ATRNL1: variants seen among roughly 807,000 people sequenced by gnomAD.
ATRNL1 encodes the protein attractin-like protein 1.
In ATRNL1, 95 loss-of-function variants were observed where a neutral mutation model predicts 182.7. That is an observed-to-expected ratio of 0.52 (90% CI 0.44 to 0.62). ATRNL1 has a LOEUF of 0.62. ATRNL1 is among the 20% of genes least tolerant of loss of function. The probability of loss-of-function intolerance (pLI) is 0.00; values close to 1 mark genes in which losing one functional copy is unlikely to be tolerated. For synonymous variants in ATRNL1, 576 were observed against 568.3 expected (o/e 1.01, Z -0.19); for missense variants, 1,471 against 1,679.5 (o/e 0.88, Z 2.17).
chr10:115,342,549 A>G (rs1478678806), intron 19 of ATRNL1, among the ~76,000 whole-genome samples: 1 of 152,066 alleles, frequency 6.6e-6, no homozygotes, highest in Non-Finnish European at 1.5e-5. Flanking sequence ...TTTACTGTCA[A>G]CATCTTGAAA....
At chr10:115,819,133 C>T (rs1159591244) in intron 27 of ATRNL1, among the ~76,000 whole-genome samples, 2 of 152,008 alleles carry the variant, frequency 1.3e-5, no homozygotes, top group African/African-American at 4.8e-5. Context: ...ATAATTTCAG[C>T]TCCTCTTCAG....
At chr10:115,805,985 T>C (rs1193253272) in intron 27 of ATRNL1, among the ~76,000 whole-genome samples, 1 of 152,182 alleles carries the variant, frequency 6.6e-6, no homozygotes, top group Non-Finnish European at 1.5e-5. Flanking sequence ...GTACAGTATT[T>C]TAAAGTTTAC....
chr10:115,917,872 G>T (rs1196077612), intron 28 of ATRNL1, among the ~76,000 whole-genome samples: 1 of 152,108 alleles, frequency 6.6e-6, no homozygotes, highest in Non-Finnish European at 1.5e-5. Flanking sequence ...GGCAACAAAA[G>T]TCACTGCTAT....
intron 28 of ATRNL1, among the ~76,000 whole-genome samples, chr10:115,882,020 C>T (rs1951836850): frequency 6.6e-6 from 1 of 152,202 alleles, no homozygotes; most frequent in African/African-American, 2.4e-5. Flanking sequence ...CCCTTCCCAG[C>T]CTGTCATATG....
chr10:115,703,125 T>TGTGGCC (rs1946790375), intron 26 of ATRNL1, among the ~76,000 whole-genome samples: 1 of 151,972 alleles, frequency 6.6e-6, no homozygotes, highest in Non-Finnish European at 1.5e-5. Context: ...GGCCCTGTGG[T>TGTGGCC]CTTTGACAGA....
intron 27 of ATRNL1, among the ~76,000 whole-genome samples, chr10:115,767,941 G>T (rs1228786311): frequency 1.3e-5 from 2 of 152,020 alleles, no homozygotes; most frequent in Non-Finnish European, 1.5e-5. Flanking sequence ...TTAGTAGAGT[G>T]GTTTGAACAT....
intron 22 of ATRNL1, among the ~76,000 whole-genome samples, chr10:115,465,876 T>A (rs1848030024): frequency 6.6e-6 from 1 of 151,594 alleles, no homozygotes; most frequent in Admixed American, 6.6e-5. Context: ...TGAAATCTTA[T>A]TTGCCTCCTG....
chr10:115,387,386 T>C (rs1316622886), intron 19 of ATRNL1, among the ~76,000 whole-genome samples: 1 of 152,220 alleles, frequency 6.6e-6, no homozygotes, highest in Non-Finnish European at 1.5e-5. Context: ...ACCAGCCTGA[T>C]TGAACCCCTA....
At chr10:115,839,340 C>T (rs1466503203) in intron 27 of ATRNL1, among the ~76,000 whole-genome samples, 1 of 152,124 alleles carries the variant, frequency 6.6e-6, no homozygotes, top group Non-Finnish European at 1.5e-5. Context: ...CCGAGCATCT[C>T]AGCACAGCAT....
chr10:115,781,092 A>G (rs1408937204), intron 27 of ATRNL1, among the ~76,000 whole-genome samples: 1 of 152,248 alleles, frequency 6.6e-6, no homozygotes, highest in African/African-American at 2.4e-5. Flanking sequence ...TCCAACAAGC[A>G]TATATAAAGG....
At chr10:115,575,956 A>G (rs149691146) in intron 26 of ATRNL1, among the ~76,000 whole-genome samples, 15 of 152,090 alleles carry the variant, frequency 9.9e-5, no homozygotes, top group Non-Finnish European at 2.1e-4. Flanking sequence ...ATGTATTTGA[A>G]CTTGTTTTAG....
At chr10:115,242,222 G>C (rs1850452635) in intron 10 of ATRNL1, among the ~76,000 whole-genome samples, 1 of 151,880 alleles carries the variant, frequency 6.6e-6, no homozygotes, top group Non-Finnish European at 1.5e-5. Flanking sequence ...AAAGAAATAA[G>C]ATTTTGAGAC....
intron 21 of ATRNL1, among the ~76,000 whole-genome samples, chr10:115,449,181 C>G (rs650583): frequency 0.012 from 1,793 of 152,240 alleles, 34 homozygotes; most frequent in African/African-American, 0.039. Flanking sequence ...CACCCCACTC[C>G]CCTGATTCTG....
intron 26 of ATRNL1, among the ~76,000 whole-genome samples, chr10:115,679,118 C>A (rs1945964817): frequency 6.6e-6 from 1 of 152,082 alleles, no homozygotes; most frequent in Non-Finnish European, 1.5e-5. Context: ...GGAATCCCTG[C>A]ATGGCATGTA....
At position 115,535,481 on chromosome 10, in the gene ATRNL1, G is replaced by A. The variant is rs577169307; in HGVS notation, c.3717-13977G>A. Among the ~76,000 whole-genome samples the A allele has an allele frequency of 3.3e-5, 5 of 149,846 alleles. No individual in the cohort carries two copies. The South Asian group carries it at 1.1e-3, about 32-fold the overall frequency. ...CATCAGCTCCTTTAAGCACTTCTCT[G>A]TATTGGTTATTCTAGTTATACATTA... On this transcript the variant is annotated intron_variant, in intron 25 of 28. Coordinates refer to ENST00000355044, the MANE Select transcript of ATRNL1 (RefSeq NM_207303.4).
chr10:115,113,794 A>G (rs1554868981), intron 1 of ATRNL1, among the ~76,000 whole-genome samples: 1 of 152,096 alleles, frequency 6.6e-6, no homozygotes, highest in African/African-American at 2.4e-5. Context: ...ACTAATCTTA[A>G]AATGTTTTCT....
chr10:115,537,270 G>C (rs1852087191), intron 25 of ATRNL1, among the ~76,000 whole-genome samples: 1 of 152,162 alleles, frequency 6.6e-6, no homozygotes, highest in Non-Finnish European at 1.5e-5. Context: ...CACTGAAATA[G>C]ACTTCTCCAA....
intron 26 of ATRNL1, among the ~76,000 whole-genome samples, chr10:115,578,206 A>G (rs2784812): frequency 0.49 from 73,786 of 151,530 alleles, 19,178 homozygotes; most frequent in East Asian, 0.84. Flanking sequence ...ATATTGGCCC[A>G]TAGTTTTCTT....
chr10:115,124,941 A>G (rs1305170073), intron 3 of ATRNL1, among the ~76,000 whole-genome samples: 1 of 152,244 alleles, frequency 6.6e-6, no homozygotes, highest in Non-Finnish European at 1.5e-5. Context: ...GGAGTTCTAT[A>G]TAATTTCAAA....
Sources: gnomAD v4.1 joint callset for allele counts (sites outside exome capture counted in the v4.1 genomes callset) on GRCh38, gnomAD v4.1.1 for gene constraint, MANE v1.5 for transcripts, NCBI Gene and HGNC (gene_info 2026-07-23, HGNC 2026-07-21) for gene names.